TBC1D14: variants seen among roughly 807,000 people sequenced by gnomAD.
The protein encoded by TBC1D14 is TBC1 domain family, member 14.
A neutral mutation model predicts 79.0 loss-of-function variants in TBC1D14; 26 were observed. That is an observed-to-expected ratio of 0.33 (90% confidence interval 0.24 to 0.46). TBC1D14 has a LOEUF of 0.46. Ranked by LOEUF, TBC1D14 falls within the 20% of genes least tolerant of loss-of-function variation. The probability of loss-of-function intolerance (pLI) is 1.00; values close to 1 mark genes in which losing one functional copy is unlikely to be tolerated. For synonymous variants in TBC1D14, 394 were observed against 349.9 expected (o/e 1.13, Z -1.40); for missense variants, 769 against 887.6 (o/e 0.87, Z 1.70).
intron 5 of TBC1D14, 41 bp downstream of exon 5, chr4:6,996,448 A>C (rs1719051631): frequency 1.4e-6 from 2 of 1,454,538 alleles, no homozygotes; most frequent in Non-Finnish European, 1.9e-6. Flanking sequence ...CAGGCAGCAC[A>C]GGGTTTGTGT....
chr4:6,930,464 C>T (rs1711616827), intron 2 of TBC1D14, among the ~76,000 whole-genome samples: 1 of 152,158 alleles, frequency 6.6e-6, no homozygotes, highest in Non-Finnish European at 1.5e-5. Context: ...CTTTAGCAAG[C>T]AAGGAACTCG....
intron 11 of TBC1D14, among the ~76,000 whole-genome samples, chr4:7,012,890 AAT>A (rs756937923): frequency 1.3e-5 from 2 of 152,230 alleles, no homozygotes; most frequent in Non-Finnish European, 2.9e-5. Context: ...TTACTCTTGA[AAT>A]AACTCATTGG....
intron 3 of TBC1D14, among the ~76,000 whole-genome samples, chr4:6,974,994 C>T (rs1385076867): frequency 6.7e-6 from 1 of 149,572 alleles, no homozygotes; most frequent in African/African-American, 2.5e-5. Flanking sequence ...TCACTGCAAC[C>T]TCTGCCACCC....
intron 1 of TBC1D14, among the ~76,000 whole-genome samples, chr4:6,917,872 G>T (rs1471440908): frequency 2.0e-5 from 3 of 152,174 alleles, no homozygotes; most frequent in Non-Finnish European, 4.4e-5. Flanking sequence ...TTCTGCCCTA[G>T]TGGCACGAGG....
At chr4:6,914,105 ACTGCAGCCTGGGTGACAGAGACCC>A (rs1196619281) in intron 1 of TBC1D14, among the ~76,000 whole-genome samples, 104 of 149,960 alleles carry the variant, frequency 6.9e-4, no homozygotes, top group Middle Eastern at 3.4e-3. Flanking sequence ...ATACATCTGT[ACTGCAGCCTGGGTGACAGAGACCC>A]CATCTCAAAA....
At chr4:6,940,617 G>C (rs901365824) in intron 2 of TBC1D14, among the ~76,000 whole-genome samples, 2 of 152,096 alleles carry the variant, frequency 1.3e-5, no homozygotes, top group Non-Finnish European at 1.5e-5. Context: ...TGACGGGGGT[G>C]GGGGAGGAGC....
At chr4:6,960,267 T>A (rs1349891964) in intron 2 of TBC1D14, among the ~76,000 whole-genome samples, 1 of 151,046 alleles carries the variant, frequency 6.6e-6, no homozygotes, top group Admixed American at 6.6e-5. Flanking sequence ...TTTTTTTGTA[T>A]TTTTTGTAGA....
At chr4:6,928,968 G>C (rs1253191138) in intron 2 of TBC1D14, among the ~76,000 whole-genome samples, 1 of 152,214 alleles carries the variant, frequency 6.6e-6, no homozygotes, top group Non-Finnish European at 1.5e-5. Flanking sequence ...CTTAGAATTA[G>C]CTCTAGTGAC....
intron 2 of TBC1D14, 120 bp downstream of exon 2, chr4:6,924,231 A>G: frequency 7.4e-7 from 1 of 1,359,304 alleles, no homozygotes; most frequent in Admixed American, 2.8e-5. Context: ...TCTCACACAG[A>G]TAATTGGGTC....
intron 2 of TBC1D14, among the ~76,000 whole-genome samples, chr4:6,943,483 G>GGTT (rs1178728187): frequency 1.3e-5 from 2 of 152,216 alleles, no homozygotes; most frequent in Admixed American, 6.5e-5. Context: ...TGCAGGATCT[G>GGTT]GCTGCTGCCT....
Position 6,967,529 on chromosome 4 carries a change from T to G in TBC1D14, c.843+105T>G, listed in dbSNP as rs1003122157. 40 of 1,422,866 alleles carry G rather than the reference T, an allele frequency of 2.8e-5. 1 individual carries two copies. The South Asian group carries it at 4.8e-4, about 17-fold the overall frequency. The allele number at this position is 1,422,866 out of a possible 1,614,324, so 88.1% of individuals were successfully genotyped here. ...ATTGAGTCTGAAACTGGAAATCGCTTTGTATTATCTGCATACCACGTTCCT... is the reference window on the plus strand; with the variant it reads ...ATTGAGTCTGAAACTGGAAATCGCTGTGTATTATCTGCATACCACGTTCCT... On this transcript the variant is annotated intron_variant, in intron 3 of 13. Transcript: ENST00000409757.
chr4:6,999,174 A>G lies in TBC1D14; in HGVS notation c.1135A>G (p.Asn379Asp). ...TGGAAACGCTGTGCTCACCTGGAAT[A>G]ATGAGATCTTACCTAACTGGGAAAC... ...SIGNAVLTWN[N>D]EILPNWETMW... Residue 379 changes from asparagine (N) to aspartate (D), a missense_variant, in exon 6 of 14, where the codon AAT (asparagine) becomes GAT (aspartate). Asn to Asp is a conservative substitution (Grantham distance 23). This residue lies in a region of TBC1D14 where 367 missense variants were observed against 494.4 expected (regional missense o/e 0.74). Transcript: ENST00000409757. 1.2e-6 allele frequency: 2 copies of G among 1,614,138 alleles called. No individual in the cohort carries two copies. Among genetic ancestry groups the G allele is most frequent in the Non-Finnish European group, 1.7e-6 (2 of 1,179,972 alleles).
At chr4:6,938,857 T>C (rs1406579003) in intron 2 of TBC1D14, among the ~76,000 whole-genome samples, 1 of 152,130 alleles carries the variant, frequency 6.6e-6, no homozygotes, top group Non-Finnish European at 1.5e-5. Context: ...CAGTGTTCCA[T>C]TGTTTCAGGT....
At chr4:6,986,400 A>C (rs369348844) in intron 3 of TBC1D14, among the ~76,000 whole-genome samples, 14 of 151,908 alleles carry the variant, frequency 9.2e-5, no homozygotes, top group Middle Eastern at 3.2e-3. Flanking sequence ...ACCATTTTAC[A>C]CTCCTACCAA....
chr4:7,025,552 C>A (rs1349640163), intron 13 of TBC1D14, among the ~76,000 whole-genome samples: 3 of 152,188 alleles, frequency 2.0e-5, no homozygotes, highest in Non-Finnish European at 2.9e-5. Context: ...GTGCTCTTTA[C>A]ATGTTAGAAA....
At chr4:6,933,560 C>T (rs745806147) in intron 2 of TBC1D14, among the ~76,000 whole-genome samples, 5 of 151,948 alleles carry the variant, frequency 3.3e-5, no homozygotes, top group Non-Finnish European at 7.4e-5. Flanking sequence ...CCTGCCTTGG[C>T]TTCCCCAAGT....
At chr4:6,937,111 TTC>T (rs1712411943) in intron 2 of TBC1D14, among the ~76,000 whole-genome samples, 1 of 152,196 alleles carries the variant, frequency 6.6e-6, no homozygotes, top group Non-Finnish European at 1.5e-5. Context: ...GAGATGGGAT[TTC>T]TCTGTATTGG....
intron 12 of TBC1D14, among the ~76,000 whole-genome samples, chr4:7,016,858 C>G (rs1577178115): frequency 6.6e-6 from 1 of 152,156 alleles, no homozygotes; most frequent in South Asian, 2.1e-4. Context: ...TGCTTCTGTC[C>G]CAGCCTGAAG....
intron 1 of TBC1D14, among the ~76,000 whole-genome samples, chr4:6,919,494 TAGTGTAGTAC>T (rs1317455166): frequency 1.9e-4 from 29 of 152,286 alleles, no homozygotes; most frequent in African/African-American, 7.0e-4. Context: ...ATTTTTGCCT[TAGTGTAGTAC>T]AGTGTGGTTC....
Sources: allele counts gnomAD v4.1 joint callset (sites outside exome capture counted in the v4.1 genomes callset), GRCh38; gene constraint gnomAD v4.1.1; regional missense constraint gnomAD v4.1.1; transcripts MANE v1.5; gene names NCBI Gene and HGNC (gene_info 2026-07-23, HGNC 2026-07-21).